BAZ2B: variants seen among roughly 807,000 people sequenced by gnomAD.
BAZ2B encodes the protein bromodomain adjacent to zinc finger domain protein 2B.
Under a neutral mutation model 246.0 loss-of-function variants are expected in BAZ2B, and 91 were observed. That is an observed-to-expected ratio of 0.37 (90% CI 0.31 to 0.44). The LOEUF (loss-of-function observed/expected upper bound fraction) is 0.44. Ranked by LOEUF, BAZ2B falls within the 20% of genes least tolerant of loss-of-function variation. The pLI is 1.00. For missense variants in BAZ2B, 2,332 were observed against 2,533.7 expected (o/e 0.92, Z 1.71); for synonymous variants, 855 against 860.0 (o/e 0.99, Z 0.10).
chr2:159,478,609 T>A lies in BAZ2B; in HGVS notation c.111A>T (p.Gly37=). ...SVVSKGGLST[G]VASLSSTINP... is the part of the protein sequence containing the mutation. ...TGATTGTAGAGCTAAGTGAAGCAAC[T>A]CCAGTGGAAAGGCCACCTTTTGAAA... The change falls in exon 3 of 37, where the codon GGA becomes GGT. Residue 37 remains glycine (G), a synonymous_variant. Coordinates refer to ENST00000392783, the MANE Select transcript of BAZ2B (RefSeq NM_013450.4). 1 of 1,611,898 alleles carries A rather than the reference T, an allele frequency of 6.2e-7. No homozygotes were observed. The highest frequency in any genetic ancestry group is 8.5e-7 in the Non-Finnish European group (1 of 1,178,772).
intron 1 of BAZ2B, among the ~76,000 whole-genome samples, chr2:159,593,173 C>A (rs771108316): frequency 2.0e-5 from 3 of 152,160 alleles, no homozygotes; most frequent in Non-Finnish European, 4.4e-5. Flanking sequence ...CTAATCTGTA[C>A]CATCAGAGAA....
intron 10 of BAZ2B, 69 bp downstream of exon 10, chr2:159,430,794 T>G (rs975194992): frequency 1.3e-6 from 2 of 1,541,748 alleles, no homozygotes; most frequent in African/African-American, 2.8e-5. Context: ...TCCAGAACAC[T>G]CTTATCAATA....
chr2:159,599,867 T>TG (rs1691681051), intron 1 of BAZ2B, among the ~76,000 whole-genome samples: 1 of 137,828 alleles, frequency 7.3e-6, no homozygotes, highest in African/African-American at 2.7e-5. Context: ...ACCCGTGAGG[T>TG]GGAGTTTGCA....
At chr2:159,712,142 G>C in the BAZ2B span, 1 of 151,702 alleles carries the variant, frequency 6.6e-6, no homozygotes, top group Non-Finnish European at 1.5e-5. Flanking sequence ...TTTCGAGCAC[G>C]GGGCCCTGCA....
intron 27 of BAZ2B, among the ~76,000 whole-genome samples, chr2:159,351,943 T>C (rs951627120): frequency 6.6e-6 from 1 of 152,192 alleles, no homozygotes; most frequent in Non-Finnish European, 1.5e-5. Flanking sequence ...CATGGTTAAT[T>C]ACATCAATAC....
intron 25 of BAZ2B, among the ~76,000 whole-genome samples, chr2:159,380,053 T>C (rs1454651540): frequency 6.6e-6 from 1 of 152,130 alleles, no homozygotes; most frequent in Non-Finnish European, 1.5e-5. Flanking sequence ...CCTTCTTCCC[T>C]TTGACCTACT....
chr2:159,479,932 G>A (rs1413626775), intron 2 of BAZ2B, among the ~76,000 whole-genome samples: 1 of 152,072 alleles, frequency 6.6e-6, no homozygotes, highest in Non-Finnish European at 1.5e-5. Context: ...TGATGAGTCT[G>A]TCCATATTCT....
Position 159,428,045 on chromosome 2 carries a change from G to C in BAZ2B, c.2365-3C>G. On this transcript the variant is annotated splice_polypyrimidine_tract_variant and splice_region_variant and intron_variant, in intron 12 of 36. Coordinates refer to ENST00000392783, the MANE Select transcript of BAZ2B (RefSeq NM_013450.4). The stretch of plus-strand genomic sequence containing the variant: ...ATTATTCCATTTCTGCTGAGATACT[G>C]AAAAAATCACATATTTTTCCACTTC... 1 of 1,610,904 alleles carries C rather than the reference G, an allele frequency of 6.2e-7. No homozygotes were observed. The highest frequency in any genetic ancestry group is 8.5e-7 in the Non-Finnish European group (1 of 1,177,760).
chr2:159,405,527 A>T (rs2065794058), intron 14 of BAZ2B, among the ~76,000 whole-genome samples: 1 of 152,134 alleles, frequency 6.6e-6, no homozygotes, highest in Admixed American at 6.5e-5. Flanking sequence ...ATAATATTTA[A>T]GAAAATTGCC....
At chr2:159,514,698 T>C (rs1257724741) in intron 2 of BAZ2B, among the ~76,000 whole-genome samples, 1 of 152,164 alleles carries the variant, frequency 6.6e-6, no homozygotes, top group African/African-American at 2.4e-5. Flanking sequence ...TTAAATTCTC[T>C]ACAATTACTT....
Position 159,337,022 on chromosome 2 carries a change from C to T in BAZ2B, c.5716G>A (p.Ala1906Thr). 6.2e-7 allele frequency: 1 copy of T among 1,612,156 alleles called. No homozygotes were observed. The highest frequency in any genetic ancestry group is 1.1e-5 in the South Asian group (1 of 91,036). The change falls in exon 33 of 37, where the codon GCT (alanine) becomes ACT (threonine). Residue 1906 changes from alanine (A) to threonine (T), a missense_variant. Physicochemically the swap from Ala to Thr is moderately conservative, Grantham distance 58. Coordinates refer to ENST00000392783, the MANE Select transcript of BAZ2B (RefSeq NM_013450.4). ...LRVWRRALSE[A>T]RSAAQVALCI... Reference sequence around the variant, plus strand: ...AGAGCTACCTGTGCAGCACTGCGAGCTTCTGATAATGCCCTTCTCCATACC... The same window carrying T: ...AGAGCTACCTGTGCAGCACTGCGAGTTTCTGATAATGCCCTTCTCCATACC...
chr2:159,406,324 T>C (rs1056583627), intron 14 of BAZ2B, among the ~76,000 whole-genome samples: 1 of 152,208 alleles, frequency 6.6e-6, no homozygotes. Flanking sequence ...CAGGGAGCAG[T>C]TGACCCTACA....
chr2:159,383,724 TATGCA>T, intron 23 of BAZ2B, 44 bp from the exon 24 acceptor site: 1 of 1,486,018 alleles, frequency 6.7e-7, no homozygotes, highest in Non-Finnish European at 9.3e-7. Flanking sequence ...TTAATCAATT[TATGCA>T]ATGCATTAAT....
At chr2:159,556,183 C>T (rs989225406) in intron 1 of BAZ2B, among the ~76,000 whole-genome samples, 6 of 152,090 alleles carry the variant, frequency 3.9e-5, no homozygotes, top group Non-Finnish European at 5.9e-5. Flanking sequence ...CTTCAAATTA[C>T]GTACTCAGAA....
chr2:159,664,088 C>G, the BAZ2B span, among the ~76,000 whole-genome samples: 92 of 51,892 alleles, frequency 1.8e-3, no homozygotes, highest in Non-Finnish European at 2.8e-3. Flanking sequence ...CATGTGATCT[C>G]ATTGTTCAAT....
At chr2:159,598,587 C>T (rs548960116) in intron 1 of BAZ2B, among the ~76,000 whole-genome samples, 10 of 151,214 alleles carry the variant, frequency 6.6e-5, no homozygotes, top group Non-Finnish European at 1.5e-4. Context: ...TGGTGGCTCA[C>T]ACCTGTAATC....
chr2:159,635,256 T>C, the BAZ2B span, among the ~76,000 whole-genome samples: 4 of 152,176 alleles, frequency 2.6e-5, no homozygotes, highest in Non-Finnish European at 5.9e-5. Context: ...AAGCTTCTGC[T>C]TCTGCCAAGA....
intron 31 of BAZ2B, among the ~76,000 whole-genome samples, chr2:159,344,027 C>CAAAA (rs70994297): frequency 1.4e-4 from 14 of 96,904 alleles, no homozygotes; most frequent in African/African-American, 2.0e-4. Context: ...GACTCCATCT[C>CAAAA]AAAAAAAAAA....
At position 159,349,240 on chromosome 2, in the gene BAZ2B, C is replaced by T. The variant is rs773437545; in HGVS notation, c.4904G>A (p.Gly1635Glu). The change falls in exon 29 of 37, where the codon GGA becomes GAA. Residue 1635 changes from glycine (G) to glutamate (E), a missense_variant. Around this residue, in one of 9 missense-constraint regions of BAZ2B, gnomAD observed 676 missense variants for 668.6 expected, o/e 1.01. Transcript: ENST00000392783. Reference protein sequence around the residue: ...GVSMMGLQFCGWPTGVVTSNI... With the variant: ...GVSMMGLQFCEWPTGVVTSNI... ...AGAAGTAACCACACCAGTGGGCCAT[C>T]CACAAAACTGAAGTCCCATCATAGA... 2.5e-6 allele frequency: 4 copies of T among 1,613,216 alleles called. No homozygotes were observed. Among genetic ancestry groups the T allele is most frequent in the Non-Finnish European group, 3.4e-6 (4 of 1,179,418 alleles).
Sources: gnomAD v4.1 joint callset for allele counts (sites outside exome capture counted in the v4.1 genomes callset) on GRCh38, gnomAD v4.1.1 for gene constraint, gnomAD v4.1.1 regional missense constraint, MANE v1.5 for transcripts, NCBI Gene and HGNC (gene_info 2026-07-23, HGNC 2026-07-21) for gene names.